The following LNX1 variants were observed in gnomAD, a reference collection of about 807,000 sequenced individuals.
LNX1 encodes the protein E3 ubiquitin-protein ligase LNX.
Under a neutral mutation model 68.4 loss-of-function variants are expected in LNX1, and 54 were observed. That is an observed-to-expected ratio of 0.79 (90% CI 0.63 to 0.99). The LOEUF (loss-of-function observed/expected upper bound fraction) is 0.99. Ranked by LOEUF, LNX1 falls within the 50% of genes least tolerant of loss-of-function variation. The probability of loss-of-function intolerance (pLI) is 0.00; values close to 1 mark genes in which losing one functional copy is unlikely to be tolerated. For synonymous variants in LNX1, 336 were observed against 350.0 expected, an observed-to-expected ratio of 0.96 and a Z score of 0.45; for missense variants, 906 against 926.4, an observed-to-expected ratio of 0.98 and a Z score of 0.29.
intron 1 of LNX1, among the ~76,000 whole-genome samples, chr4:53,625,828 C>T (rs1465551598): frequency 7.0e-6 from 1 of 142,540 alleles, no homozygotes; most frequent in African/African-American, 2.6e-5. Flanking sequence ...TACCATATGA[C>T]CCAGCAATTC....
chr4:53,482,893 T>C (rs1724038593), intron 6 of LNX1, among the ~76,000 whole-genome samples: 4 of 152,200 alleles, frequency 2.6e-5, no homozygotes, highest in Admixed American at 2.6e-4. Flanking sequence ...TAATTTGCCT[T>C]GATTTCTTTA....
At chr4:53,551,248 G>C (rs1729484788) in intron 2 of LNX1, among the ~76,000 whole-genome samples, 1 of 152,086 alleles carries the variant, frequency 6.6e-6, no homozygotes. Context: ...TAGGTAGTTA[G>C]ACAGACATGA....
At chr4:53,562,572 G>C (rs57991612) in intron 2 of LNX1, among the ~76,000 whole-genome samples, 1 of 152,146 alleles carries the variant, frequency 6.6e-6, no homozygotes. Flanking sequence ...CAAATGAAAC[G>C]CATTCTGGAG....
At chr4:53,474,073 A>G (rs1192343938) in intron 9 of LNX1, among the ~76,000 whole-genome samples, 1 of 152,228 alleles carries the variant, frequency 6.6e-6, no homozygotes. Flanking sequence ...TCCTATAGGA[A>G]TGAAGTGATA....
chr4:53,609,992 T>C (rs1733415778), intron 2 of LNX1, among the ~76,000 whole-genome samples: 1 of 151,702 alleles, frequency 6.6e-6, no homozygotes, highest in Non-Finnish European at 1.5e-5. Flanking sequence ...GTGCTCAAGG[T>C]GAAATGGTAA....
At chr4:53,472,748 C>G (rs1452256517) in intron 9 of LNX1, among the ~76,000 whole-genome samples, 1 of 139,194 alleles carries the variant, frequency 7.2e-6, no homozygotes, top group Non-Finnish European at 1.5e-5. Context: ...AATTGATGAA[C>G]GTGAAAGCCG....
At chr4:53,516,253 A>C (rs1489460723) in intron 2 of LNX1, among the ~76,000 whole-genome samples, 1 of 152,170 alleles carries the variant, frequency 6.6e-6, no homozygotes, top group African/African-American at 2.4e-5. Context: ...CTCTTTTAAA[A>C]AAAGAATCAC....
intron 2 of LNX1, among the ~76,000 whole-genome samples, chr4:53,523,503 T>C (rs1577658105): frequency 6.6e-6 from 1 of 152,276 alleles, no homozygotes; most frequent in African/African-American, 2.4e-5. Flanking sequence ...GCTAGGCTGG[T>C]CTTGAACTCC....
At chr4:53,554,007 TGA>T (rs1729704231) in intron 2 of LNX1, among the ~76,000 whole-genome samples, 1 of 152,182 alleles carries the variant, frequency 6.6e-6, no homozygotes, top group Non-Finnish European at 1.5e-5. Flanking sequence ...TCCTTATCTA[TGA>T]GAAACAGCTT....
chr4:53,632,514 A>T, intron 1 of LNX1, among the ~76,000 whole-genome samples: 1 of 152,220 alleles, frequency 6.6e-6, no homozygotes, highest in East Asian at 1.9e-4. Flanking sequence ...ACAAAAGTCC[A>T]GCTCCTTTGC....
At chr4:53,508,444 GC>G in intron 2 of LNX1, 1 of 568,074 alleles carries the variant, frequency 1.8e-6, no homozygotes, top group Non-Finnish European at 3.1e-6. Context: ...TTTTAAAGAC[GC>G]CCACTGCATT....
chr4:53,499,064 T>A (rs925752087), intron 4 of LNX1, among the ~76,000 whole-genome samples: 4 of 152,198 alleles, frequency 2.6e-5, no homozygotes, highest in Non-Finnish European at 4.4e-5. Flanking sequence ...CCAATTAAAC[T>A]CTACCCTGAT....
chr4:53,534,851 C>A (rs1193267067), intron 2 of LNX1, among the ~76,000 whole-genome samples: 1 of 152,174 alleles, frequency 6.6e-6, no homozygotes, highest in Non-Finnish European at 1.5e-5. Context: ...TGTCTGGGGA[C>A]CTTGGCATCC....
chr4:53,546,186 A>G (rs1324224056), intron 2 of LNX1, among the ~76,000 whole-genome samples: 4 of 152,202 alleles, frequency 2.6e-5, no homozygotes, highest in African/African-American at 7.2e-5. Flanking sequence ...CTCTGCTGCC[A>G]TCCTTTGTAT....
At chr4:53,509,495 T>C (rs139204809) in intron 2 of LNX1, among the ~76,000 whole-genome samples, 7 of 152,332 alleles carry the variant, frequency 4.6e-5, no homozygotes, top group Admixed American at 6.5e-5. Flanking sequence ...AAATCCTTGC[T>C]CTGAAATTTA....
At position 53,461,462 on chromosome 4, in the gene LNX1, G is replaced by A; in HGVS notation, c.2024C>T (p.Thr675Ile). Residue 675 changes from threonine to isoleucine, a missense_variant, in exon 10 of 11, where the codon ACA becomes ATA. Coordinates refer to ENST00000263925, the MANE Select transcript of LNX1 (RefSeq NM_001126328.3). ...PFFIKSIVEG[T>I]PAYNDGRIRC... ...AATTCTTCCATCATTGTATGCTGGT[G>A]TTCCTTCAACAATGGATTTGATGAA... 1 of 1,610,790 alleles carries A rather than the reference G, an allele frequency of 6.2e-7. No homozygotes were observed. The highest frequency in any genetic ancestry group is 8.5e-7 in the Non-Finnish European group (1 of 1,177,760).
chr4:53,568,015 AC>A (rs1254467839), intron 2 of LNX1, among the ~76,000 whole-genome samples: 1 of 152,118 alleles, frequency 6.6e-6, no homozygotes, highest in Non-Finnish European at 1.5e-5. Flanking sequence ...TAGCTTACCA[AC>A]CAAAAGGAGT....
At chr4:53,569,557 A>T (rs1450885337) in intron 2 of LNX1, among the ~76,000 whole-genome samples, 1 of 143,988 alleles carries the variant, frequency 6.9e-6, no homozygotes, top group African/African-American at 2.6e-5. Context: ...AACCATAAAA[A>T]CCCTAGAAGA....
chr4:53,465,013 AC>A (rs1440271312), intron 9 of LNX1, among the ~76,000 whole-genome samples: 1 of 152,092 alleles, frequency 6.6e-6, no homozygotes, highest in African/African-American at 2.4e-5. Context: ...CAAATTTATC[AC>A]CTACTTGATA....
Sources: allele counts gnomAD v4.1 joint callset (sites outside exome capture counted in the v4.1 genomes callset), GRCh38; gene constraint gnomAD v4.1.1; transcripts MANE v1.5; gene names NCBI Gene and HGNC (gene_info 2026-07-23, HGNC 2026-07-21).